Variants in SPAG16 observed in about 807,000 individuals in gnomAD.
SPAG16 encodes the protein sperm associated antigen 16.
In SPAG16, 86 loss-of-function variants were observed where a neutral mutation model predicts 80.4. That is an observed-to-expected ratio of 1.07 (90% CI 0.90 to 1.28). The LOEUF (loss-of-function observed/expected upper bound fraction) is 1.28, where lower values mean the gene tolerates loss of function less well. SPAG16 is among the 50% of genes most tolerant of loss of function. The probability of loss-of-function intolerance (pLI) is 0.00; values close to 1 mark genes in which losing one functional copy is unlikely to be tolerated. For synonymous variants in SPAG16, 294 were observed against 265.9 expected, an observed-to-expected ratio of 1.11 and a Z score of -1.03; for missense variants, 870 against 765.3, an observed-to-expected ratio of 1.14 and a Z score of -1.61.
chr2:213,491,532 A>G (rs2074233922), intron 10 of SPAG16, among the ~76,000 whole-genome samples: 2 of 152,102 alleles, frequency 1.3e-5, no homozygotes, highest in African/African-American at 4.8e-5. Context: ...AACTCTTGGG[A>G]CTCTTTACAA....
rs370282204 is a variant in SPAG16, at chr2:213,604,251, C to T, written c.1070+114161C>T. On this transcript the variant is annotated intron_variant, in intron 10 of 15. Coordinates refer to ENST00000331683, the MANE Select transcript of SPAG16 (RefSeq NM_024532.5). ...TGCTGTGTTTTTAGGGAGGCCTTTT[C>T]TGCGCCATCTATTTAAATTGTCATT... 8.5e-5 allele frequency among the ~76,000 whole-genome samples: 13 copies of T among 152,282 alleles called. 1 individual carries two copies. In the East Asian group the frequency reaches 2.3e-3, roughly 27 times the overall value.
chr2:213,667,652 G>C (rs1308244378), intron 10 of SPAG16, among the ~76,000 whole-genome samples: 1 of 152,124 alleles, frequency 6.6e-6, no homozygotes, highest in African/African-American at 2.4e-5. Context: ...GACCACATTA[G>C]ATATCATCTG....
chr2:213,564,794 C>T (rs906002065), intron 10 of SPAG16, among the ~76,000 whole-genome samples: 1 of 152,132 alleles, frequency 6.6e-6, no homozygotes, highest in Non-Finnish European at 1.5e-5. Flanking sequence ...CCACTATTAA[C>T]TCTATTGACT....
intron 15 of SPAG16, among the ~76,000 whole-genome samples, chr2:214,259,577 A>G (rs1285243073): frequency 7.0e-6 from 1 of 143,814 alleles, no homozygotes; most frequent in Non-Finnish European, 1.5e-5. Context: ...TATAACCCTG[A>G]GCCATTTCCT....
At chr2:213,982,736 GA>G (rs2045822059) in intron 12 of SPAG16, among the ~76,000 whole-genome samples, 1 of 49,052 alleles carries the variant, frequency 2.0e-5, no homozygotes, top group Admixed American at 2.0e-4. Flanking sequence ...GACAACATAA[GA>G]GTAAAAGATA....
chr2:214,084,034 A>C (rs992336688), intron 13 of SPAG16, among the ~76,000 whole-genome samples: 7 of 151,948 alleles, frequency 4.6e-5, no homozygotes, highest in African/African-American at 1.7e-4. Context: ...ACTTCAGCTC[A>C]TACAGTTTTG....
chr2:214,367,935 A>C (rs1367143007), intron 15 of SPAG16, among the ~76,000 whole-genome samples: 1 of 152,136 alleles, frequency 6.6e-6, no homozygotes, highest in Non-Finnish European at 1.5e-5. Flanking sequence ...CAATTCTCTG[A>C]CCTATATCTT....
rs569059265 is a variant in SPAG16 at position 213,853,332 on chromosome 2, C to T, written c.1071-9153C>T. Among the ~76,000 whole-genome samples the T allele has an allele frequency of 2.6e-5, 4 of 152,234 alleles. No individual in the cohort carries two copies. The East Asian group carries it at 7.7e-4, about 29-fold the overall frequency. ...TGTTCACCATACACCTACACACACT[C>T]CCTCCAAAATATCCTCTCGTAATGC... On this transcript the variant is annotated intron_variant, in intron 10 of 15. Transcript: ENST00000331683.
intron 11 of SPAG16, among the ~76,000 whole-genome samples, chr2:213,908,257 G>T (rs1413852079): frequency 6.6e-6 from 1 of 152,140 alleles, no homozygotes; most frequent in African/African-American, 2.4e-5. Flanking sequence ...AATAGTTCTG[G>T]CACAAGGCAT....
intron 15 of SPAG16, among the ~76,000 whole-genome samples, chr2:214,380,749 C>G (rs1700402066): frequency 6.6e-6 from 1 of 152,212 alleles, no homozygotes; most frequent in African/African-American, 2.4e-5. Flanking sequence ...ATGATAAGCA[C>G]CACAGCATGT....
intron 10 of SPAG16, among the ~76,000 whole-genome samples, chr2:213,839,721 A>G (rs969315796): frequency 1.3e-5 from 2 of 152,202 alleles, no homozygotes; most frequent in African/African-American, 4.8e-5. Flanking sequence ...CATGTACAGT[A>G]TGCAGCATGC....
intron 10 of SPAG16, among the ~76,000 whole-genome samples, chr2:213,847,011 A>G (rs748957630): frequency 1.3e-5 from 2 of 152,204 alleles, no homozygotes; most frequent in South Asian, 4.1e-4. Flanking sequence ...GCTGGCTGTC[A>G]GGTGGAGTAC....
intron 4 of SPAG16, among the ~76,000 whole-genome samples, chr2:213,312,395 T>A (rs980313768): frequency 1.1e-4 from 16 of 151,628 alleles, no homozygotes; most frequent in Non-Finnish European, 2.1e-4. Flanking sequence ...GATAATCTAA[T>A]TCCAGTACCC....
At chr2:214,101,582 G>A (rs529615161) in intron 13 of SPAG16, among the ~76,000 whole-genome samples, 1 of 152,066 alleles carries the variant, frequency 6.6e-6, no homozygotes, top group South Asian at 2.1e-4. Context: ...CCCATGGAGG[G>A]TTAGGAGGTG....
At chr2:213,884,330 G>A (rs528270925) in intron 11 of SPAG16, among the ~76,000 whole-genome samples, 3 of 152,160 alleles carry the variant, frequency 2.0e-5, no homozygotes, top group African/African-American at 7.2e-5. Context: ...GCTAAAAATT[G>A]TCCCAGAATC....
Position 214,410,163 on chromosome 2 carries a change from G to A in SPAG16, c.1744G>A (p.Gly582Ser), listed in dbSNP as rs1465009713. The A allele has an allele frequency of 5.6e-6, 9 of 1,613,898 alleles. No homozygotes were observed. In the South Asian group the frequency reaches 6.6e-5, roughly 12 times the overall value. ...AGGTCGAGTTTTAGCTCAGGCAAGT[G>A]GCAATGGTGTTATCCATTTGCTAGA... The part of the protein sequence containing the change: ...SSGRVLAQAS[G>S]NGVIHLLDLK... Residue 582 changes from glycine to serine, a missense_variant, in exon 16 of 16, where the codon GGC becomes AGC. Transcript: ENST00000331683.
intron 9 of SPAG16, among the ~76,000 whole-genome samples, chr2:213,426,204 A>G (rs1007870040): frequency 6.6e-6 from 1 of 152,166 alleles, no homozygotes; most frequent in Non-Finnish European, 1.5e-5. Context: ...CTTGTCTTGT[A>G]CATTGCAAAT....
chr2:213,879,056 G>A (rs1044764601), intron 11 of SPAG16, among the ~76,000 whole-genome samples: 11 of 152,206 alleles, frequency 7.2e-5, no homozygotes, highest in African/African-American at 2.4e-4. Flanking sequence ...CTGTAGCTTT[G>A]TAGTATAATT....
At chr2:214,175,588 A>T (rs1243041500) in intron 15 of SPAG16, among the ~76,000 whole-genome samples, 2 of 151,342 alleles carry the variant, frequency 1.3e-5, no homozygotes, top group African/African-American at 2.4e-5. Flanking sequence ...CCAATGAGAC[A>T]TGGGAAGACA....
Sources: allele counts gnomAD v4.1 joint callset (sites outside exome capture counted in the v4.1 genomes callset), GRCh38; gene constraint gnomAD v4.1.1; transcripts MANE v1.5; gene names NCBI Gene and HGNC (gene_info 2026-07-23, HGNC 2026-07-21).